Variants in ATG10 observed in about 807,000 individuals in gnomAD.
ATG10 encodes autophagy related 10.
A neutral mutation model predicts 32.1 loss-of-function variants in ATG10; 30 were observed. That is an observed-to-expected ratio of 0.94 (90% confidence interval 0.70 to 1.27). The LOEUF (loss-of-function observed/expected upper bound fraction) is 1.27. Among genes scored for constraint, ATG10 ranks in the 50% most tolerant of loss-of-function variants. The pLI is 0.00. For synonymous variants in ATG10, 87 were observed against 91.5 expected (o/e 0.95, Z 0.28); for missense variants, 233 against 262.3 (o/e 0.89, Z 0.77).
At chr5:82,194,849 G>T (rs1179569660) in intron 5 of ATG10, among the ~76,000 whole-genome samples, 1 of 152,190 alleles carries the variant, frequency 6.6e-6, no homozygotes, top group Non-Finnish European at 1.5e-5. Flanking sequence ...ATCAGAAAAT[G>T]TAGCCAGTTA....
Position 82,120,036 on chromosome 5 carries a change from G to A in ATG10, c.217-44363G>A, listed in dbSNP as rs568869001. Among the ~76,000 whole-genome samples the A allele has an allele frequency of 1.2e-3, 182 of 151,728 alleles. 2 individuals carry two copies. Among genetic ancestry groups the A allele is most frequent in the Admixed American group, 2.2e-3 (34 of 15,206 alleles). ...TGTGTGTGTACGCACGCACATACCC[G>A]TGAAGATCTGTTTTGTAGCTCTGAA... On this transcript the variant is annotated intron_variant, in intron 3 of 7. Coordinates refer to ENST00000282185, the MANE Select transcript of ATG10 (RefSeq NM_031482.5).
Position 82,239,469 on chromosome 5 carries a change from T to C in ATG10, c.454-13093T>C, listed in dbSNP as rs1016313377. On this transcript the variant is annotated intron_variant, in intron 5 of 7. Transcript: ENST00000282185. ...TTTTATAAACAGTCAGTTGCCTATA[T>C]GGAACAGTGTGGAATTAGCAGTAGA... Among the ~76,000 whole-genome samples, 12 of 152,230 alleles carry C rather than the reference T, an allele frequency of 7.9e-5. No homozygotes were observed. The South Asian group carries it at 8.3e-4, about 11-fold the overall frequency.
Position 82,119,737 on chromosome 5 carries a change from A to G in ATG10, c.217-44662A>G, listed in dbSNP as rs529875273. ...CGGCCTCCCAAAGTGCTGGGATTAC[A>G]GGTGTGAGCCACCGTGCCTGGCCTG... On this transcript the variant is annotated intron_variant, in intron 3 of 7. Coordinates refer to ENST00000282185, the MANE Select transcript of ATG10 (RefSeq NM_031482.5). Among the ~76,000 whole-genome samples, 531 of 152,330 alleles carry G rather than the reference A, an allele frequency of 3.5e-3. 4 individuals are homozygous for G. The highest frequency in any genetic ancestry group is 0.012 in the African/African-American group (506 of 41,576).
intron 3 of ATG10, among the ~76,000 whole-genome samples, chr5:82,077,198 C>A (rs969610346): frequency 4.6e-5 from 7 of 152,144 alleles, no homozygotes; most frequent in African/African-American, 2.4e-5. Flanking sequence ...TGGCGTACGC[C>A]TGTAGTCCCA....
chr5:82,026,146 C>T (rs1027762470), intron 2 of ATG10, among the ~76,000 whole-genome samples: 1 of 152,138 alleles, frequency 6.6e-6, no homozygotes, highest in African/African-American at 2.4e-5. Flanking sequence ...TCCTCATTCC[C>T]ATTTCCTCCA....
At chr5:82,224,920 T>C (rs980749032) in intron 5 of ATG10, among the ~76,000 whole-genome samples, 19 of 152,332 alleles carry the variant, frequency 1.2e-4, no homozygotes, top group African/African-American at 4.3e-4. Flanking sequence ...GGTGTCTGCC[T>C]CCCATGTATT....
intron 3 of ATG10, among the ~76,000 whole-genome samples, chr5:82,143,474 G>A (rs1026987466): frequency 5.3e-5 from 8 of 152,212 alleles, no homozygotes; most frequent in African/African-American, 1.9e-4. Flanking sequence ...AGATTGCTCT[G>A]TGCAGTGAAC....
chr5:82,120,660 T>C (rs1447403219), intron 3 of ATG10, among the ~76,000 whole-genome samples: 1 of 143,406 alleles, frequency 7.0e-6, no homozygotes, highest in Non-Finnish European at 1.5e-5. Flanking sequence ...CTTTTTTCTG[T>C]TTTTTTTTTA....
At position 82,081,571 on chromosome 5, in the gene ATG10, C is replaced by T. The variant is rs575594402; in HGVS notation, c.216+22969C>T. On this transcript the variant is annotated intron_variant, in intron 3 of 7. Transcript: ENST00000282185. ...TTATTGAGAGTTTTTAGCATGAAGG[C>T]TGTTGAATTTTGTCAAAGGCCTTTT... Among the ~76,000 whole-genome samples the T allele has an allele frequency of 1.6e-3, 244 of 152,196 alleles. 1 individual carries two copies. Among genetic ancestry groups the T allele is most frequent in the African/African-American group, 5.7e-3 (238 of 41,522 alleles).
intron 4 of ATG10, among the ~76,000 whole-genome samples, chr5:82,171,133 C>G (rs1249675169): frequency 6.6e-6 from 1 of 152,060 alleles, no homozygotes; most frequent in Non-Finnish European, 1.5e-5. Context: ...TCAAAATGGT[C>G]TTATATGTCC....
At chr5:82,075,586 G>A (rs1764250325) in intron 3 of ATG10, among the ~76,000 whole-genome samples, 1 of 152,096 alleles carries the variant, frequency 6.6e-6, no homozygotes, top group Admixed American at 6.6e-5. Flanking sequence ...AATAATGAAA[G>A]TAACTTTGGA....
intron 5 of ATG10, among the ~76,000 whole-genome samples, chr5:82,233,262 T>G (rs1746434411): frequency 6.6e-6 from 1 of 152,222 alleles, no homozygotes; most frequent in Non-Finnish European, 1.5e-5. Context: ...TGACTGAACC[T>G]GTACCTCTAC....
intron 3 of ATG10, among the ~76,000 whole-genome samples, chr5:82,070,421 G>A (rs1764091710): frequency 1.3e-5 from 2 of 152,104 alleles, no homozygotes; most frequent in South Asian, 4.1e-4. Context: ...TATTTGTGAA[G>A]CATTTCACCC....
intron 5 of ATG10, among the ~76,000 whole-genome samples, chr5:82,244,410 G>A (rs921482565): frequency 6.6e-6 from 1 of 152,100 alleles, no homozygotes; most frequent in Non-Finnish European, 1.5e-5. Flanking sequence ...CTCTAAGCCT[G>A]TTCTTTTAAG....
intron 2 of ATG10, among the ~76,000 whole-genome samples, chr5:82,035,702 G>T (rs1271386973): frequency 1.3e-5 from 2 of 148,698 alleles, no homozygotes; most frequent in Non-Finnish European, 3.0e-5. Context: ...TTTATTGTGA[G>T]TTTATTTTTA....
At chr5:82,177,728 T>A (rs1011355700) in intron 4 of ATG10, among the ~76,000 whole-genome samples, 4 of 152,108 alleles carry the variant, frequency 2.6e-5, no homozygotes, top group Non-Finnish European at 5.9e-5. Flanking sequence ...ATTGTTTGGG[T>A]GGATACAGAG....
intron 2 of ATG10, among the ~76,000 whole-genome samples, chr5:82,035,884 T>C (rs934160972): frequency 6.6e-6 from 1 of 151,626 alleles, no homozygotes; most frequent in African/African-American, 2.4e-5. Context: ...TTTAACATTG[T>C]TAACAGTATC....
At chr5:82,037,499 G>A (rs992877067) in intron 2 of ATG10, among the ~76,000 whole-genome samples, 4 of 151,038 alleles carry the variant, frequency 2.6e-5, no homozygotes, top group Non-Finnish European at 4.4e-5. Context: ...CGCCCGCCTC[G>A]GCCTCCCAAA....
At chr5:82,158,353 C>T (rs1003527555) in intron 3 of ATG10, among the ~76,000 whole-genome samples, 1 of 150,792 alleles carries the variant, frequency 6.6e-6, no homozygotes, top group Non-Finnish European at 1.5e-5. Flanking sequence ...CAGCTGCCCC[C>T]CCGCCCCCCA....
Sources: allele counts gnomAD v4.1 joint callset (sites outside exome capture counted in the v4.1 genomes callset), GRCh38; gene constraint gnomAD v4.1.1; transcripts MANE v1.5; gene names NCBI Gene and HGNC (gene_info 2026-07-23, HGNC 2026-07-21).